The following WSCD1 variants were observed in gnomAD, a reference collection of about 807,000 sequenced individuals.
The protein encoded by WSCD1 is WSC domain sialate O sulfotransferase 1.
In WSCD1, 41 loss-of-function variants were observed where a neutral mutation model predicts 60.4. The ratio of observed to expected loss-of-function variants is 0.68; its 90% CI spans 0.53 to 0.88. The LOEUF is 0.88. Among genes scored for constraint, WSCD1 ranks in the 40% least tolerant of loss-of-function variants. The pLI is 0.00. For missense variants in WSCD1, 784 were observed against 796.2 expected (o/e 0.98, Z 0.18); for synonymous variants, 361 against 332.5 (o/e 1.09, Z -0.93).
chr17:6,076,453 T>C (rs1194206062), intron 1 of WSCD1, among the ~76,000 whole-genome samples: 2 of 152,182 alleles, frequency 1.3e-5, no homozygotes, highest in African/African-American at 4.8e-5. Flanking sequence ...GGGAGAGGCC[T>C]CTTGAGTCTG....
Position 6,118,156 on chromosome 17 carries a change from G to A in WSCD1, c.1343G>A (p.Gly448Glu), listed in dbSNP as rs1043802875. 2 of 1,614,054 alleles carry A rather than the reference G, an allele frequency of 1.2e-6. No individual in the cohort carries two copies. The highest frequency in any genetic ancestry group is 1.7e-6 in the Non-Finnish European group (2 of 1,180,018). Reference sequence around the variant, plus strand: ...AACAGAAAATGTGCCGGGCACCTGGGATATGCAGCTGACCGCAACTGGAAG... The same window carrying A: ...AACAGAAAATGTGCCGGGCACCTGGAATATGCAGCTGACCGCAACTGGAAG... ...EFNRKCAGHL[G>E]YAADRNWKSK... Residue 448 changes from glycine (G) to glutamate (E), a missense_variant, in exon 8 of 9, where the codon GGA (glycine) becomes GAA (glutamate). Physicochemically the swap from Gly to Glu is moderately conservative, Grantham distance 98 (BLOSUM62 -2). Transcript: ENST00000317744. The surrounding 1 kb of genome is among the most constrained non-coding windows in gnomAD (Gnocchi z 5.8).
At chr17:6,098,433 C>G (rs554896714) in intron 5 of WSCD1, among the ~76,000 whole-genome samples, 22 of 152,340 alleles carry the variant, frequency 1.4e-4, no homozygotes, top group Middle Eastern at 3.4e-3. Flanking sequence ...CTCTTGGTGT[C>G]TTGTGCTATC....
In WSCD1 at chr17:6,123,670, G is replaced by A. The variant is rs995567670; in HGVS notation, c.*3009G>A. 2.6e-5 allele frequency: 4 copies of A among 152,122 alleles called. No homozygotes were observed. Among genetic ancestry groups the A allele is most frequent in the Admixed American group, 2.0e-4 (3 of 15,274 alleles). The allele number at this position is 152,122 out of a possible 1,614,324, so 9.4% of individuals were successfully genotyped here. A position where few individuals can be genotyped will look rare whatever the true frequency, so the allele number is the denominator to read the frequency against. On this transcript the variant is annotated 3_prime_UTR_variant, in exon 9 of 9. Transcript: ENST00000317744. ...AGGTTTGTTTTCTGCTGACTTGCTC[G>A]GAAACCCATTGGAGGTATCTGAAAT...
At chr17:6,099,847 G>A (rs1369533721) in intron 5 of WSCD1, among the ~76,000 whole-genome samples, 2 of 152,108 alleles carry the variant, frequency 1.3e-5, no homozygotes, top group Non-Finnish European at 2.9e-5. Context: ...CTCTGTCTCT[G>A]TACGGGGAGC....
Position 6,121,033 on chromosome 17 carries a change from TG to T in WSCD1, c.*374del, listed in dbSNP as rs144975226. On this transcript the variant is annotated 3_prime_UTR_variant, in exon 9 of 9. Transcript: ENST00000317744. Reference sequence around the variant, plus strand: ...AGGCCGTGTGCTCCTGGAGGCTGGCTGGCTGTCTCTCTCACACAGATACACG... The same window carrying T: ...AGGCCGTGTGCTCCTGGAGGCTGGCTGCTGTCTCTCTCACACAGATACACG... 1,120 of 254,502 alleles carry T rather than the reference TG, an allele frequency of 4.4e-3. 15 individuals are homozygous for T. The highest frequency in any genetic ancestry group is 0.024 in the African/African-American group (1,063 of 45,090). The allele number at this position is 254,502 out of a possible 1,614,324, so 15.8% of individuals were successfully genotyped here.
At position 6,120,772 on chromosome 17, in the gene WSCD1, G is replaced by GGGGGCTCACCCTGGTGC. The variant is rs1299527145; in HGVS notation, c.*112_*128dup. 12 of 1,162,636 alleles carry GGGGGCTCACCCTGGTGC rather than the reference G, an allele frequency of 1.0e-5. No homozygotes were observed. In the Admixed American group the frequency reaches 3.1e-4, roughly 30 times the overall value. The allele number at this position is 1,162,636 out of a possible 1,614,324, so 72.0% of individuals were successfully genotyped here. Reference sequence around the variant, plus strand: ...GCCTCACTGGGACGAACGGTGGGTGGGGGGCTCACCCTGGTGCTGCCTCCC... The same window carrying GGGGGCTCACCCTGGTGC: ...GCCTCACTGGGACGAACGGTGGGTGGGGGGCTCACCCTGGTGCGGGGCTCACCCTGGTGCTGCCTCCC... On this transcript the variant is annotated 3_prime_UTR_variant, in exon 9 of 9. Coordinates refer to ENST00000317744, the MANE Select transcript of WSCD1 (RefSeq NM_015253.2).
At position 6,121,770 on chromosome 17, in the gene WSCD1, C is replaced by A. The variant is rs76532705; in HGVS notation, c.*1109C>A. On this transcript the variant is annotated 3_prime_UTR_variant, in exon 9 of 9. Coordinates refer to ENST00000317744, the MANE Select transcript of WSCD1 (RefSeq NM_015253.2). Reference sequence around the variant, plus strand: ...TCATGAGAGCTAGTTAGTACTCAGCCTGACCCCTAGGTCTGGTCCTGCCAG... The same window carrying A: ...TCATGAGAGCTAGTTAGTACTCAGCATGACCCCTAGGTCTGGTCCTGCCAG... 0.71 allele frequency: 108,350 copies of A among 151,762 alleles called. 38,870 individuals are homozygous for A. The highest frequency in any genetic ancestry group is 0.82 in the Middle Eastern group (240 of 294). The allele number at this position is 151,762 out of a possible 1,614,324, so 9.4% of individuals were successfully genotyped here. A position where few individuals can be genotyped will look rare whatever the true frequency, so the allele number is the denominator to read the frequency against.
chr17:6,110,305 T>C lies in WSCD1; in HGVS notation c.1010-466T>C, dbSNP rs976953475. On this transcript the variant is annotated intron_variant, in intron 6 of 8. Transcript: ENST00000317744. This position sits in a 1 kb window ranked among gnomAD's most constrained non-coding sequence, Gnocchi z 4.8. Reference sequence around the variant, plus strand: ...GGGGCTTTCCCCTGGTGATTTCATGTGCTCCTTGTAGCAGCCCTGGGGATG... The same window carrying C: ...GGGGCTTTCCCCTGGTGATTTCATGCGCTCCTTGTAGCAGCCCTGGGGATG... Among the ~76,000 whole-genome samples the C allele has an allele frequency of 1.3e-5, 2 of 152,232 alleles. No homozygotes were observed. Among genetic ancestry groups the C allele is most frequent in the South Asian group, 2.1e-4 (1 of 4,836 alleles).
rs1904646133 is a variant in WSCD1 at position 6,120,786 on chromosome 17, G to A, written c.*125G>A. ...AACGGTGGGTGGGGGGCTCACCCTG[G>A]TGCTGCCTCCCGCACAAGGAGACCT... On this transcript the variant is annotated 3_prime_UTR_variant, in exon 9 of 9. Coordinates refer to ENST00000317744, the MANE Select transcript of WSCD1 (RefSeq NM_015253.2). 2 of 986,850 alleles carry A rather than the reference G, an allele frequency of 2.0e-6. No homozygotes were observed. The highest frequency in any genetic ancestry group is 3.1e-4 in the Middle Eastern group (1 of 3,218). The allele number at this position is 986,850 out of a possible 1,614,324, so 61.1% of individuals were successfully genotyped here. A position where few individuals can be genotyped will look rare whatever the true frequency, so the allele number is the denominator to read the frequency against.
chr17:6,091,192 C>G (rs868709625), intron 4 of WSCD1, among the ~76,000 whole-genome samples: 7 of 152,330 alleles, frequency 4.6e-5, no homozygotes, highest in Middle Eastern at 6.8e-3. Context: ...CGCACCCATC[C>G]AGGAGACCTA....
intron 1 of WSCD1, among the ~76,000 whole-genome samples, chr17:6,079,147 G>A (rs1386097863): frequency 4.6e-5 from 7 of 152,192 alleles, no homozygotes; most frequent in Admixed American, 1.3e-4. Context: ...GTCTTTGTCC[G>A]AAGCCTCCAA....
chr17:6,090,491 C>G lies in WSCD1; in HGVS notation c.713C>G (p.Pro238Arg), dbSNP rs759368488. 4 of 1,612,574 alleles carry G rather than the reference C, an allele frequency of 2.5e-6. 1 individual carries two copies. The South Asian group carries it at 4.4e-5, about 18-fold the overall frequency. ...GTGTACCGTGTGGACGAGCTGCAGC[C>G]GGGCTCCAGGAAGCGTGAGTGTGCC... ...LSVYRVDELQ[P>R]GSRKRRTATY... is the part of the protein sequence containing the mutation. The change falls in exon 4 of 9, where the codon CCG becomes CGG. Residue 238 changes from proline to arginine, a missense_variant. Transcript: ENST00000317744.
intron 5 of WSCD1, among the ~76,000 whole-genome samples, chr17:6,106,930 G>C (rs1911117998): frequency 6.6e-6 from 1 of 152,142 alleles, no homozygotes; most frequent in Non-Finnish European, 1.5e-5. Context: ...GAGAAGTCAG[G>C]GAACAGCAAG....
intron 5 of WSCD1, 52 bp from the exon 6 acceptor site, chr17:6,109,555 C>T: frequency 1.3e-6 from 2 of 1,591,002 alleles, no homozygotes; most frequent in Non-Finnish European, 8.6e-7. Flanking sequence ...CCCTGGGAAG[C>T]ATGACCCTCA....
intron 4 of WSCD1, 110 bp downstream of exon 4, chr17:6,090,615 C>A (rs546198841): frequency 1.8e-4 from 249 of 1,409,560 alleles, no homozygotes; most frequent in Middle Eastern, 2.4e-4. Flanking sequence ...CTGTGCCAAC[C>A]TCTGCCCTCC....
At position 6,070,394 on chromosome 17, in the gene WSCD1, C is replaced by G. The variant is rs1451374825; in HGVS notation, c.-547C>G. ...GTGAGCATGTGCAGAGCCCGGCGCC[C>G]GCTCGCCCGCCCGCTGCCCGCCCCG... On this transcript the variant is annotated 5_prime_UTR_variant, in exon 1 of 9. Coordinates refer to ENST00000317744, the MANE Select transcript of WSCD1 (RefSeq NM_015253.2). 1 of 146,780 alleles carries G rather than the reference C, an allele frequency of 6.8e-6. No individual in the cohort carries two copies. The highest frequency in any genetic ancestry group is 1.5e-5 in the Non-Finnish European group (1 of 65,766). 9.1% of individuals were successfully genotyped at this position (146,780 alleles called of 1,614,324 possible).
intron 1 of WSCD1, among the ~76,000 whole-genome samples, chr17:6,077,506 C>T (rs1180172626): frequency 6.6e-6 from 1 of 152,164 alleles, no homozygotes; most frequent in Admixed American, 6.5e-5. Context: ...GGAAATCTGG[C>T]CTGCACGTGG....
At chr17:6,109,103 G>A (rs892686337) in intron 5 of WSCD1, among the ~76,000 whole-genome samples, 2 of 152,186 alleles carry the variant, frequency 1.3e-5, no homozygotes, top group Non-Finnish European at 2.9e-5. Context: ...CTCTCTCAGG[G>A]CTTGAGGTCT....
At chr17:6,086,999 G>A (rs1909696347) in intron 2 of WSCD1, among the ~76,000 whole-genome samples, 1 of 152,188 alleles carries the variant, frequency 6.6e-6, no homozygotes, top group African/African-American at 2.4e-5. Flanking sequence ...TGAGCGGAAC[G>A]CGGCCCTTCC....
Sources: allele counts gnomAD v4.1 joint callset (sites outside exome capture counted in the v4.1 genomes callset), GRCh38; gene constraint gnomAD v4.1.1; non-coding constraint Gnocchi (gnomAD v3.1); transcripts MANE v1.5; gene names NCBI Gene and HGNC (gene_info 2026-07-23, HGNC 2026-07-21).